The following EZH2 variants were observed in gnomAD, a reference collection of about 807,000 sequenced individuals.
EZH2 encodes histone-lysine N-methyltransferase EZH2.
EZH2 carries 18 observed loss-of-function variants against 98.4 expected under a neutral mutation model. The observed-to-expected ratio is 0.18, with a 90% confidence interval of 0.13 to 0.27. The LOEUF is 0.27. EZH2 is among the 10% of genes least tolerant of loss of function. The pLI, the probability that EZH2 is intolerant of heterozygous loss-of-function variation, is 1.00. For missense variants in EZH2, 470 were observed against 935.1 expected, an observed-to-expected ratio of 0.50 and a Z score of 6.49; for synonymous variants, 338 against 312.3, an observed-to-expected ratio of 1.08 and a Z score of -0.87.
At chr7:148,854,144 T>C (rs1816373217) in intron 1 of EZH2, among the ~76,000 whole-genome samples, 1 of 152,218 alleles carries the variant, frequency 6.6e-6, no homozygotes, top group Admixed American at 6.5e-5. Flanking sequence ...GAGCCCTTAT[T>C]GCTTCTTTAA....
intron 1 of EZH2, among the ~76,000 whole-genome samples, chr7:148,859,145 G>C (rs1215355399): frequency 6.6e-6 from 1 of 152,174 alleles, no homozygotes; most frequent in African/African-American, 2.4e-5. Flanking sequence ...AGAAACTGAA[G>C]ACTTAGCAAT....
chr7:148,813,826 C>A (rs1803836134), intron 15 of EZH2, 133 bp downstream of exon 15: 6 of 915,918 alleles, frequency 6.6e-6, no homozygotes, highest in Non-Finnish European at 9.8e-6. Flanking sequence ...ATTATGAACA[C>A]TTTCTCATCA....
chr7:148,829,996 A>C, intron 4 of EZH2, 148 bp from the exon 5 acceptor site: 1 of 525,222 alleles, frequency 1.9e-6, no homozygotes, highest in South Asian at 3.8e-5. Flanking sequence ...TCTAAAATTT[A>C]TCAAAAAATA....
At chr7:148,807,762 A>AGCCTT in intron 19 of EZH2, 56 bp from the exon 20 acceptor site, 1 of 1,123,216 alleles carries the variant, frequency 8.9e-7, no homozygotes, top group Non-Finnish European at 1.3e-6. Context: ...ACATGTGCTG[A>AGCCTT]GACTTAACAC....
In EZH2 at chr7:148,881,964, ACGCG is replaced by A. The variant is rs60902143; in HGVS notation, c.-8+2196_-8+2199del. Among the ~76,000 whole-genome samples, 267 of 58,848 alleles carry A rather than the reference ACGCG, an allele frequency of 4.5e-3. 1 individual carries two copies. Among genetic ancestry groups the A allele is most frequent in the Middle Eastern group, 0.012 (1 of 82 alleles). The allele number at this position is 58,848 out of a possible 152,430, so 38.6% of individuals were successfully genotyped here. ...AAAAAAAACATATACACACACACACACGCGCGCGCACACACACACACACACACAC... is the reference window on the plus strand; with the variant it reads ...AAAAAAAACATATACACACACACACACGCGCACACACACACACACACACAC... On this transcript the variant is annotated intron_variant, in intron 1 of 19. Coordinates refer to ENST00000320356, the MANE Select transcript of EZH2 (RefSeq NM_004456.5).
In EZH2 at chr7:148,870,885, C is replaced by T. The variant is rs116384886; in HGVS notation, c.-8+13279G>A. Among the ~76,000 whole-genome samples the T allele has an allele frequency of 5.1e-3, 772 of 150,712 alleles. 11 individuals carry two copies. The highest frequency in any genetic ancestry group is 0.018 in the African/African-American group (732 of 40,952). On this transcript the variant is annotated intron_variant, in intron 1 of 19. Coordinates refer to ENST00000320356, the MANE Select transcript of EZH2 (RefSeq NM_004456.5). ...CAGAGGCTGCAGTAAGCCAAGACTG[C>T]GCCACTGCATTCCAGCCTGGATGAC...
chr7:148,881,417 C>T (rs1820934669), intron 1 of EZH2, among the ~76,000 whole-genome samples: 1 of 152,108 alleles, frequency 6.6e-6, no homozygotes, highest in African/African-American at 2.4e-5. Flanking sequence ...CAAGGCAAAG[C>T]TAGGTATCAA....
At chr7:148,830,689 G>T (rs765034585) in intron 4 of EZH2, among the ~76,000 whole-genome samples, 1 of 152,200 alleles carries the variant, frequency 6.6e-6, no homozygotes, top group South Asian at 2.1e-4. Flanking sequence ...AAAGATGATA[G>T]ATGAGTTTTT....
intron 1 of EZH2, among the ~76,000 whole-genome samples, chr7:148,847,659 T>C (rs539523257): frequency 6.6e-6 from 1 of 150,908 alleles, no homozygotes; most frequent in Admixed American, 6.6e-5. Context: ...TAAAGACAGA[T>C]CCTGTTTTTC....
intron 19 of EZH2, among the ~76,000 whole-genome samples, chr7:148,808,570 TCCCCAC>T (rs1802149628): frequency 6.6e-6 from 1 of 152,156 alleles, no homozygotes; most frequent in Admixed American, 6.5e-5. Flanking sequence ...GTCCCAGGCA[TCCCCAC>T]AGGGTGATCA....
intron 19 of EZH2, among the ~76,000 whole-genome samples, chr7:148,807,982 T>TC (rs1163428095): frequency 6.6e-6 from 1 of 152,154 alleles, no homozygotes; most frequent in Non-Finnish European, 1.5e-5. Context: ...CTGACCAGCC[T>TC]CCCCTATGCC....
chr7:148,836,003 A>G (rs1810817809), intron 3 of EZH2, among the ~76,000 whole-genome samples: 2 of 152,240 alleles, frequency 1.3e-5, no homozygotes, highest in African/African-American at 2.4e-5. Flanking sequence ...TTCCAGTCCC[A>G]TACCTCTGTC....
At chr7:148,860,939 C>A (rs899324359) in intron 1 of EZH2, among the ~76,000 whole-genome samples, 1 of 152,042 alleles carries the variant, frequency 6.6e-6, no homozygotes, top group East Asian at 1.9e-4. Context: ...TCCCAAAGTG[C>A]TGGGATTACA....
At chr7:148,866,701 T>C (rs1487355910) in intron 1 of EZH2, among the ~76,000 whole-genome samples, 1 of 146,032 alleles carries the variant, frequency 6.8e-6, no homozygotes, top group Non-Finnish European at 1.5e-5. Flanking sequence ...TATATACATA[T>C]ATGCATATAT....
chr7:148,813,948 T>C lies in EZH2; in HGVS notation c.1851+11A>G. 1 of 1,608,080 alleles carries C rather than the reference T, an allele frequency of 6.2e-7. No homozygotes were observed. Among genetic ancestry groups the C allele is most frequent in the Non-Finnish European group, 8.5e-7 (1 of 1,176,556 alleles). Reference sequence around the variant, plus strand: ...CTACAAACAATCTTCCAGAAGTGACTTGTTGCTCACCTTTTTGGAGCCCCG... The same window carrying C: ...CTACAAACAATCTTCCAGAAGTGACCTGTTGCTCACCTTTTTGGAGCCCCG... On this transcript the variant is annotated intron_variant, in intron 15 of 19. Transcript: ENST00000320356.
chr7:148,813,796 G>A (rs1360768336), intron 15 of EZH2, among the ~76,000 whole-genome samples, 163 bp downstream of exon 15: 2 of 152,100 alleles, frequency 1.3e-5, no homozygotes, highest in Non-Finnish European at 2.9e-5. Context: ...GACTGCCCAA[G>A]GGTGCATTAC....
At chr7:148,864,574 T>C (rs972337420) in intron 1 of EZH2, among the ~76,000 whole-genome samples, 2 of 150,384 alleles carry the variant, frequency 1.3e-5, no homozygotes, top group African/African-American at 4.9e-5. Context: ...CAAGATACTC[T>C]GGAGGCTGAG....
intron 1 of EZH2, chr7:148,883,575 G>C (rs981957372): frequency 3.3e-5 from 5 of 150,056 alleles, no homozygotes; most frequent in African/African-American, 4.9e-5. Context: ...GCGAGGCGAG[G>C]GCCGAGCCCT....
intron 1 of EZH2, among the ~76,000 whole-genome samples, chr7:148,848,005 G>A (rs1585167220): frequency 1.3e-5 from 2 of 152,182 alleles, no homozygotes. Context: ...TAAATGCGGG[G>A]ACAGCTTATA....
Sources: allele counts gnomAD v4.1 joint callset (sites outside exome capture counted in the v4.1 genomes callset), GRCh38; gene constraint gnomAD v4.1.1; transcripts MANE v1.5; gene names NCBI Gene and HGNC (gene_info 2026-07-23, HGNC 2026-07-21).